The following AMBRA1 variants were observed in gnomAD, a reference collection of about 807,000 sequenced individuals.
AMBRA1 encodes the protein activating molecule in BECN1-regulated autophagy protein 1.
Under a neutral mutation model 125.4 loss-of-function variants are expected in AMBRA1, and 47 were observed. The observed-to-expected ratio is 0.37, with a 90% confidence interval of 0.30 to 0.48. The LOEUF (loss-of-function observed/expected upper bound fraction) is 0.48. Ranked by LOEUF, AMBRA1 falls within the 20% of genes least tolerant of loss-of-function variation. The pLI is 0.99. For synonymous variants in AMBRA1, 626 were observed against 655.5 expected (o/e 0.95, Z 0.69); for missense variants, 1,331 against 1,693.4 (o/e 0.79, Z 3.76).
intron 17 of AMBRA1, among the ~76,000 whole-genome samples, chr11:46,406,200 C>T (rs1005040545): frequency 6.6e-6 from 1 of 151,426 alleles, no homozygotes; most frequent in African/African-American, 2.4e-5. Context: ...ATTACAGGTG[C>T]CCACCACCAT....
In AMBRA1 at chr11:46,577,029, G is replaced by A. The variant is rs961027385; in HGVS notation, c.-121+16799C>T. Among the ~76,000 whole-genome samples the A allele has an allele frequency of 2.0e-5, 3 of 152,150 alleles. No homozygotes were observed. In the East Asian group the frequency reaches 5.8e-4, roughly 29 times the overall value. On this transcript the variant is annotated intron_variant, in intron 1 of 17. Transcript: ENST00000683756. ...CAACAACTCTGAAATCACATACTCTGGAGAAGCTGCAGATGTTGGCTTTGA... is the reference window on the plus strand; with the variant it reads ...CAACAACTCTGAAATCACATACTCTAGAGAAGCTGCAGATGTTGGCTTTGA...
chr11:46,423,733 G>A (rs539437106), intron 14 of AMBRA1, among the ~76,000 whole-genome samples: 2 of 147,822 alleles, frequency 1.4e-5, no homozygotes, highest in Admixed American at 1.4e-4. Context: ...GACAGAGCAG[G>A]ACTAACTCAC....
rs1194743848 is a variant in AMBRA1, at chr11:46,397,575, CA to C, written c.3771del (p.Val1258PhefsTer15). The C allele has an allele frequency of 6.3e-7, 1 of 1,583,340 alleles. No homozygotes were observed. The highest frequency in any genetic ancestry group is 1.3e-5 in the African/African-American group (1 of 74,218). ...TLPSSSPVPI[P>X]VSLPSAEGPT... Reference sequence around the variant, plus strand: ...GGTCCCTCAGCGCTGGGAAGGGAAACAGGAATGGGGACAGGGGAGGAAGAGG... The same window carrying C: ...GGTCCCTCAGCGCTGGGAAGGGAAACGGAATGGGGACAGGGGAGGAAGAGG... On this transcript the variant is annotated frameshift_variant, in exon 18 of 18. Coordinates refer to ENST00000683756, the MANE Select transcript of AMBRA1 (RefSeq NM_001387011.1). LOFTEE classifies it high-confidence loss of function.
chr11:46,461,731 A>T (rs1207712163), intron 11 of AMBRA1, among the ~76,000 whole-genome samples: 1 of 152,220 alleles, frequency 6.6e-6, no homozygotes, highest in Non-Finnish European at 1.5e-5. Flanking sequence ...GCACTGGTGA[A>T]ACTATTCTGC....
chr11:46,479,039 A>C (rs977196691), intron 11 of AMBRA1, among the ~76,000 whole-genome samples: 5 of 152,082 alleles, frequency 3.3e-5, no homozygotes, highest in African/African-American at 7.2e-5. Context: ...TCTCTACAAA[A>C]AATACCAAAA....
Position 46,428,989 on chromosome 11 carries a change from G to C in AMBRA1, c.2976+4485C>G, listed in dbSNP as rs180702309. On this transcript the variant is annotated intron_variant, in intron 14 of 17. Transcript: ENST00000683756. The stretch of plus-strand genomic sequence containing the variant: ...CAAACTGTTCCTTCACGTAGCCTCG[G>C]GACTTGAGAGACTGCATGGCCTTCA... The C allele has an allele frequency of 8.7e-6, 14 of 1,612,320 alleles. No individual in the cohort carries two copies. In the African/African-American group the frequency reaches 1.7e-4, roughly 20 times the overall value.
chr11:46,512,037 G>GTA (rs1486709310), intron 8 of AMBRA1, among the ~76,000 whole-genome samples: 2 of 152,062 alleles, frequency 1.3e-5, no homozygotes, highest in Non-Finnish European at 2.9e-5. Flanking sequence ...TGTATTTTTA[G>GTA]TAGAGACGGG....
At chr11:46,407,686 A>G (rs1396521513) in intron 17 of AMBRA1, among the ~76,000 whole-genome samples, 1 of 152,268 alleles carries the variant, frequency 6.6e-6, no homozygotes, top group East Asian at 1.9e-4. Flanking sequence ...ACTGCGGTGT[A>G]GAAAGCCATT....
At chr11:46,432,414 T>C (rs759733230) in intron 14 of AMBRA1, among the ~76,000 whole-genome samples, 3 of 152,118 alleles carry the variant, frequency 2.0e-5, no homozygotes, top group Non-Finnish European at 2.9e-5. Context: ...TGGCTCAGTG[T>C]AGTTGGACAG....
chr11:46,510,081 C>A (rs1951201146), intron 8 of AMBRA1, among the ~76,000 whole-genome samples: 1 of 152,108 alleles, frequency 6.6e-6, no homozygotes, highest in Non-Finnish European at 1.5e-5. Flanking sequence ...AAATGGAATT[C>A]CCAAGCAGAA....
chr11:46,443,381 A>G lies in AMBRA1; in HGVS notation c.2632+107T>C, dbSNP rs1948113725. 3.6e-6 allele frequency: 3 copies of G among 826,228 alleles called. No homozygotes were observed. The South Asian group carries it at 4.7e-5, about 13-fold the overall frequency. The allele number at this position is 826,228 out of a possible 1,614,324, so 51.2% of individuals were successfully genotyped here. A position where few individuals can be genotyped will look rare whatever the true frequency, so the allele number is the denominator to read the frequency against. ...GTGCAGAAATGGCATGTAGATAACA[A>G]CTGCTCAATAGGATGATGAAAAACC... is the stretch of plus-strand genomic sequence containing the variant. On this transcript the variant is annotated intron_variant, in intron 12 of 17. Transcript: ENST00000683756.
chr11:46,591,463 A>C (rs2044591750), intron 1 of AMBRA1: 1 of 152,158 alleles, frequency 6.6e-6, no homozygotes, highest in Admixed American at 6.6e-5. Flanking sequence ...AAGGAACAGT[A>C]ATCTTTCCAA....
chr11:46,425,772 G>A (rs1947099127), intron 14 of AMBRA1, among the ~76,000 whole-genome samples: 1 of 149,552 alleles, frequency 6.7e-6, no homozygotes, highest in African/African-American at 2.5e-5. Context: ...GCAGAAGGCA[G>A]AGGTTGCAGT....
At chr11:46,475,968 A>G (rs554306179) in intron 11 of AMBRA1, among the ~76,000 whole-genome samples, 86 of 152,322 alleles carry the variant, frequency 5.6e-4, no homozygotes, top group African/African-American at 1.9e-3. Flanking sequence ...GGAAAAGAAC[A>G]CTGTTCCCCT....
intron 15 of AMBRA1, among the ~76,000 whole-genome samples, chr11:46,414,626 AC>A (rs944615810): frequency 5.0e-4 from 76 of 151,912 alleles, no homozygotes; most frequent in Non-Finnish European, 6.0e-4. Flanking sequence ...GGCACTTCAC[AC>A]CCCCCATGGT....
chr11:46,564,261 T>C (rs2043444320), intron 1 of AMBRA1, among the ~76,000 whole-genome samples: 1 of 146,736 alleles, frequency 6.8e-6, no homozygotes, highest in Admixed American at 6.9e-5. Context: ...TCCAATTACA[T>C]ATGAACTGAT....
intron 11 of AMBRA1, among the ~76,000 whole-genome samples, chr11:46,483,837 G>T (rs1359610213): frequency 6.6e-6 from 1 of 152,042 alleles, no homozygotes; most frequent in African/African-American, 2.4e-5. Flanking sequence ...GGTGGAGGTT[G>T]CAGGAGTGTG....
At chr11:46,428,492 G>C (rs1050930701) in intron 14 of AMBRA1, among the ~76,000 whole-genome samples, 3 of 152,000 alleles carry the variant, frequency 2.0e-5, no homozygotes, top group Non-Finnish European at 4.4e-5. Context: ...TGACCCGAGA[G>C]AAAAGCAAAC....
Position 46,407,980 on chromosome 11 carries a change from CAG to C in AMBRA1, c.3403+531_3403+532del, listed in dbSNP as rs1297958564. 5.3e-5 allele frequency among the ~76,000 whole-genome samples: 8 copies of C among 152,290 alleles called. No homozygotes were observed. In the South Asian group the frequency reaches 1.2e-3, roughly 24 times the overall value. ...GGTTTTTAAAAGTGTGAGGCTGGCA[CAG>C]AGAGTCAGGGCCGAGTGTGGCAGAG... On this transcript the variant is annotated intron_variant, in intron 17 of 17. Transcript: ENST00000683756.
Sources: allele counts gnomAD v4.1 joint callset (sites outside exome capture counted in the v4.1 genomes callset), GRCh38; gene constraint gnomAD v4.1.1; transcripts MANE v1.5; gene names NCBI Gene and HGNC (gene_info 2026-07-23, HGNC 2026-07-21).